The following ODAD2 variants were observed in gnomAD, a reference collection of about 807,000 sequenced individuals.
ODAD2 encodes the protein outer dynein arm-docking complex subunit 2.
In ODAD2, 89 loss-of-function variants were observed where a neutral mutation model predicts 106.8. That is an observed-to-expected ratio of 0.83 (90% CI 0.70 to 0.99). ODAD2 has a LOEUF of 0.99. ODAD2 is among the 50% of genes least tolerant of loss of function. ODAD2 has a pLI of 0.00. For missense variants in ODAD2, 1,168 were observed against 1,238.5 expected, an observed-to-expected ratio of 0.94 and a Z score of 0.85; for synonymous variants, 404 against 436.2, an observed-to-expected ratio of 0.93 and a Z score of 0.92.
chr10:27,959,476 G>A (rs560152252), intron 10 of ODAD2, among the ~76,000 whole-genome samples: 1 of 152,030 alleles, frequency 6.6e-6, no homozygotes, highest in Admixed American at 6.6e-5. Context: ...ACTGTTGCAA[G>A]CGTGGCCTAA....
chr10:27,825,990 C>T (rs1174664889), intron 19 of ODAD2, among the ~76,000 whole-genome samples: 4 of 152,198 alleles, frequency 2.6e-5, no homozygotes, highest in African/African-American at 7.2e-5. Context: ...TAACTTCAGA[C>T]CTTGACCTCC....
At chr10:27,990,028 G>C (rs538027317) in intron 2 of ODAD2, among the ~76,000 whole-genome samples, 2 of 152,190 alleles carry the variant, frequency 1.3e-5, no homozygotes, top group Non-Finnish European at 2.9e-5. Context: ...AAAAACTCCA[G>C]TGACCTGATG....
At chr10:27,914,871 CCAAACAGAAAAA>C (rs1844253349) in intron 16 of ODAD2, among the ~76,000 whole-genome samples, 1 of 151,764 alleles carries the variant, frequency 6.6e-6, no homozygotes, top group Non-Finnish European at 1.5e-5. Context: ...TAAAATATAT[CCAAACAGAAAAA>C]CAAAGAGAAA....
Position 27,869,790 on chromosome 10 carries a change from C to T in ODAD2, c.2611-7168G>A, listed in dbSNP as rs570477198. Among the ~76,000 whole-genome samples the T allele has an allele frequency of 1.2e-3, 184 of 152,128 alleles. 2 individuals are homozygous for T. The highest frequency in any genetic ancestry group is 4.1e-3 in the African/African-American group (170 of 41,506). On this transcript the variant is annotated intron_variant, in intron 17 of 19. Coordinates refer to ENST00000305242, the MANE Select transcript of ODAD2 (RefSeq NM_018076.5). The stretch of plus-strand genomic sequence containing the variant: ...CCTTAAGTGATCCACCTGCCTCGGC[C>T]TCCCAAAGAGCTAGGATTACAGGCA...
chr10:27,976,763 G>T (rs944401565), intron 7 of ODAD2, among the ~76,000 whole-genome samples: 2 of 152,000 alleles, frequency 1.3e-5, no homozygotes, highest in African/African-American at 4.8e-5. Context: ...TATTCTTATG[G>T]ACATGCAAAA....
chr10:27,877,495 T>C (rs186195170), intron 17 of ODAD2, among the ~76,000 whole-genome samples: 50 of 152,292 alleles, frequency 3.3e-4, no homozygotes, highest in Admixed American at 3.0e-3. Flanking sequence ...CCTCTGAAGT[T>C]TATTTGTTTT....
chr10:27,963,660 A>T (rs539698008), intron 9 of ODAD2, among the ~76,000 whole-genome samples: 9 of 147,240 alleles, frequency 6.1e-5, no homozygotes, highest in African/African-American at 8.0e-5. Flanking sequence ...TTATGGTCTT[A>T]ATTCCTCTCA....
At chr10:27,947,465 T>C (rs1214417065) in intron 10 of ODAD2, among the ~76,000 whole-genome samples, 1 of 152,076 alleles carries the variant, frequency 6.6e-6, no homozygotes, top group African/African-American at 2.4e-5. Context: ...ACCCTGTCTC[T>C]AAAATAATAA....
chr10:27,966,337 C>T (rs1225759321), intron 9 of ODAD2, among the ~76,000 whole-genome samples: 1 of 152,146 alleles, frequency 6.6e-6, no homozygotes. Context: ...GTAGAATAAG[C>T]CTAAGTTCTT....
At chr10:27,899,157 G>A (rs983158681) in intron 17 of ODAD2, among the ~76,000 whole-genome samples, 3 of 151,788 alleles carry the variant, frequency 2.0e-5, no homozygotes, top group African/African-American at 7.3e-5. Flanking sequence ...AGCCCACGGA[G>A]GGCAAGCAGA....
chr10:27,903,452 C>G (rs1843358293), intron 17 of ODAD2, among the ~76,000 whole-genome samples: 1 of 152,082 alleles, frequency 6.6e-6, no homozygotes, highest in African/African-American at 2.4e-5. Context: ...CTGGCCGGGG[C>G]AATCAGGCAA....
chr10:27,903,438 A>C (rs569433164), intron 17 of ODAD2, among the ~76,000 whole-genome samples: 1 of 152,346 alleles, frequency 6.6e-6, no homozygotes, highest in Non-Finnish European at 1.5e-5. Flanking sequence ...TAGTATTGGA[A>C]GTTCTGGCCG....
chr10:27,999,500 C>T (rs1033534458), upstream of ODAD2, among the ~76,000 whole-genome samples: 17 of 152,236 alleles, frequency 1.1e-4, no homozygotes, highest in South Asian at 8.3e-4. Context: ...AAGCAGAAAG[C>T]GCTCTTCAAT....
intron 19 of ODAD2, among the ~76,000 whole-genome samples, chr10:27,820,818 T>G (rs1417530910): frequency 1.4e-5 from 2 of 147,272 alleles, no homozygotes; most frequent in Non-Finnish European, 3.0e-5. Flanking sequence ...GTTTTCCTCC[T>G]GTTGCCCAGG....
intron 19 of ODAD2, among the ~76,000 whole-genome samples, chr10:27,828,825 A>T (rs1837262142): frequency 6.6e-6 from 1 of 152,220 alleles, no homozygotes; most frequent in Admixed American, 6.5e-5. Flanking sequence ...AAATTGTTTA[A>T]TATAAGAAAA....
chr10:27,963,905 T>C (rs1321247643), intron 9 of ODAD2, among the ~76,000 whole-genome samples: 10 of 152,084 alleles, frequency 6.6e-5, no homozygotes, highest in Non-Finnish European at 7.4e-5. Flanking sequence ...TTGTCATTAC[T>C]CTCATTATAG....
chr10:27,981,572 T>C lies in ODAD2; in HGVS notation c.830A>G (p.Asp277Gly). The part of the protein sequence containing the change: ...GGVFLNGGKT[D>G]DEGDVNYERK... ...CTCATAATTAACGTCCCCTTCATCA[T>C]CTGTTTTGCCCTTTGGGAAAAAACA... Residue 277 changes from aspartate to glycine, a missense_variant, in exon 7 of 20, where the codon GAT becomes GGT. Asp to Gly is a moderately conservative substitution (Grantham distance 94). This residue lies in a region of ODAD2 where 430 missense variants were observed against 452.2 expected (regional missense o/e 0.95). Coordinates refer to ENST00000305242, the MANE Select transcript of ODAD2 (RefSeq NM_018076.5). 1 of 1,544,168 alleles carries C rather than the reference T, an allele frequency of 6.5e-7. No homozygotes were observed. The highest frequency in any genetic ancestry group is 8.6e-7 in the Non-Finnish European group (1 of 1,157,728).
intron 16 of ODAD2, among the ~76,000 whole-genome samples, chr10:27,932,944 T>C (rs955099998): frequency 6.6e-6 from 1 of 152,130 alleles, no homozygotes; most frequent in African/African-American, 2.4e-5. Context: ...GCTCAATAAA[T>C]ATGTGTTTAA....
chr10:27,824,197 G>C (rs2132906041), intron 19 of ODAD2, among the ~76,000 whole-genome samples: 1 of 146,636 alleles, frequency 6.8e-6, no homozygotes, highest in Admixed American at 6.8e-5. Flanking sequence ...TCAAATTACT[G>C]TTTTCTCTTG....
Sources: allele counts gnomAD v4.1 joint callset (sites outside exome capture counted in the v4.1 genomes callset), GRCh38; gene constraint gnomAD v4.1.1; regional missense constraint gnomAD v4.1.1; transcripts MANE v1.5; gene names NCBI Gene and HGNC (gene_info 2026-07-23, HGNC 2026-07-21).